The following CARS1 variants were observed in gnomAD, a reference collection of about 807,000 sequenced individuals.
CARS1 encodes cysteine--tRNA ligase, cytoplasmic.
Under a neutral mutation model 106.2 loss-of-function variants are expected in CARS1, and 48 were observed. The observed-to-expected ratio is 0.45, with a 90% CI of 0.36 to 0.57. The LOEUF (loss-of-function observed/expected upper bound fraction) is 0.57, where lower values mean the gene tolerates loss of function less well. CARS1 is among the 20% of genes least tolerant of loss of function. CARS1 has a pLI of 0.00. For synonymous variants in CARS1, 409 were observed against 403.4 expected, an observed-to-expected ratio of 1.01 and a Z score of -0.17; for missense variants, 968 against 1,057.2, an observed-to-expected ratio of 0.92 and a Z score of 1.17.
In CARS1 at chr11:3,046,007, G is replaced by A. The variant is rs993822093; in HGVS notation, c.274+1746C>T. 9.2e-5 allele frequency among the ~76,000 whole-genome samples: 14 copies of A among 152,088 alleles called. No individual in the cohort carries two copies. Among genetic ancestry groups the A allele is most frequent in the African/African-American group, 3.1e-4 (13 of 41,398 alleles). ...TGTACAGCAAGCTTGAGTGAGGGTC[G>A]CCTGACATAATGCCCATCATTCCTG... On this transcript the variant is annotated intron_variant, in intron 2 of 22. Coordinates refer to ENST00000380525, the MANE Select transcript of CARS1 (RefSeq NM_001014437.3). This position sits in a 1 kb window ranked among gnomAD's most constrained non-coding sequence, Gnocchi z 5.8.
At chr11:3,005,973 G>A (rs1422636141) in intron 19 of CARS1, among the ~76,000 whole-genome samples, 1 of 152,138 alleles carries the variant, frequency 6.6e-6, no homozygotes, top group East Asian at 1.9e-4. Context: ...AATAGGACAT[G>A]ACATCTGAGA....
rs748502341 is a variant in CARS1, at chr11:3,048,032, C to T, written c.26-31G>A. 2 of 1,602,012 alleles carry T rather than the reference C, an allele frequency of 1.2e-6. No homozygotes were observed. Among genetic ancestry groups the T allele is most frequent in the South Asian group, 1.1e-5 (1 of 90,716 alleles). On this transcript the variant is annotated intron_variant, in intron 1 of 22. Transcript: ENST00000380525. The surrounding 1 kb of genome is among the most constrained non-coding windows in gnomAD (Gnocchi z 5.1). ...AAGACAGAGGGCACATGGTGTCAGG[C>T]AGGCAGGCGGGCAGCCCAGAGGCCG... is the stretch of plus-strand genomic sequence containing the variant.
chr11:3,028,772 T>G lies in CARS1; in HGVS notation c.1031+224A>C. The G allele has an allele frequency of 3.8e-6, 2 of 530,284 alleles. No individual in the cohort carries two copies. The highest frequency in any genetic ancestry group is 6.7e-6 in the Non-Finnish European group (2 of 300,656). 32.8% of individuals were successfully genotyped at this position (530,284 alleles called of 1,614,324 possible). A position where few individuals can be genotyped will look rare whatever the true frequency, so the allele number is the denominator to read the frequency against. Reference sequence around the variant, plus strand: ...CTTGGCTGCCGAGCTTCCCAGCAGATTCTGGGTTAGGTTCTCACCATGGCC... The same window carrying G: ...CTTGGCTGCCGAGCTTCCCAGCAGAGTCTGGGTTAGGTTCTCACCATGGCC... On this transcript the variant is annotated intron_variant, in intron 9 of 22. Transcript: ENST00000380525. This position sits in a 1 kb window ranked among gnomAD's most constrained non-coding sequence, Gnocchi z 4.4.
rs1420494579 is a variant in CARS1, at chr11:3,037,419, C to T, written c.801+631G>A. 2.0e-5 allele frequency among the ~76,000 whole-genome samples: 3 copies of T among 152,202 alleles called. No homozygotes were observed. Among genetic ancestry groups the T allele is most frequent in the Admixed American group, 1.3e-4 (2 of 15,286 alleles). The stretch of plus-strand genomic sequence containing the variant: ...CTCTTTTTCTACACACAGCTGCAGC[C>T]GTCTCTTCTCTTTTCCATCGAGTTC... On this transcript the variant is annotated intron_variant, in intron 7 of 22. Transcript: ENST00000380525. The surrounding 1 kb of genome is among the most constrained non-coding windows in gnomAD (Gnocchi z 5.9).
intron 9 of CARS1, 171 bp from the exon 10 acceptor site, chr11:3,026,968 C>T (rs1401377419): frequency 5.7e-6 from 4 of 704,662 alleles, no homozygotes; most frequent in Non-Finnish European, 8.9e-6. Flanking sequence ...GAGTGGGACA[C>T]CAGGGCCCAT....
At position 3,050,204 on chromosome 11, in the gene CARS1, A is replaced by C. The variant is rs1210522106; in HGVS notation, c.26-2203T>G. 6.6e-6 allele frequency among the ~76,000 whole-genome samples: 1 copy of C among 152,166 alleles called. No homozygotes were observed. Among genetic ancestry groups the C allele is most frequent in the Non-Finnish European group, 1.5e-5 (1 of 68,026 alleles). ...AGTCTCAACATGGATGCAGGGCTTAAAATGGCTTCCTGGGATGACTCTCGC... is the reference window on the plus strand; with the variant it reads ...AGTCTCAACATGGATGCAGGGCTTACAATGGCTTCCTGGGATGACTCTCGC... On this transcript the variant is annotated intron_variant, in intron 1 of 22. Transcript: ENST00000380525. This position sits in a 1 kb window ranked among gnomAD's most constrained non-coding sequence, Gnocchi z 6.3.
intron 7 of CARS1, among the ~76,000 whole-genome samples, chr11:3,035,087 A>AAT (rs1853440774): frequency 6.6e-6 from 1 of 152,164 alleles, no homozygotes; most frequent in Non-Finnish European, 1.5e-5. Flanking sequence ...TCATGAGGGC[A>AAT]GAGCTCTCAT....
intron 1 of CARS1, chr11:3,054,881 T>A: frequency 1.4e-6 from 1 of 702,604 alleles, no homozygotes; most frequent in Non-Finnish European, 2.6e-6. Flanking sequence ...TCTGACCTGA[T>A]GAGCAGCCGA....
intron 16 of CARS1, 128 bp downstream of exon 16, chr11:3,016,978 C>T (rs553160117): frequency 3.9e-5 from 27 of 689,572 alleles, no homozygotes; most frequent in South Asian, 3.3e-4. Context: ...CATATCTCCA[C>T]GTCTCAGAGG....
At chr11:3,025,193 T>C (rs1851929990) in intron 10 of CARS1, among the ~76,000 whole-genome samples, 1 of 152,186 alleles carries the variant, frequency 6.6e-6, no homozygotes, top group African/African-American at 2.4e-5. Flanking sequence ...CCTGGCTATC[T>C]CTATCTTTCT....
At chr11:3,032,312 C>T (rs1852953580) in intron 7 of CARS1, among the ~76,000 whole-genome samples, 1 of 152,066 alleles carries the variant, frequency 6.6e-6, no homozygotes, top group South Asian at 2.1e-4. Context: ...ACCTCATGAT[C>T]TGCCCATCTC....
rs376957520 is a variant in CARS1 at position 3,019,914 on chromosome 11, C to T, written c.1266+306G>A. ...TCAGAACGCATCCTACACCCTGGGG[C>T]CTGGAATACTCAGAGTCACAGAACA... On this transcript the variant is annotated intron_variant, in intron 11 of 22. Transcript: ENST00000380525. The surrounding 1 kb of genome is among the most constrained non-coding windows in gnomAD (Gnocchi z 6.2). Among the ~76,000 whole-genome samples the T allele has an allele frequency of 6.6e-5, 10 of 152,286 alleles. No homozygotes were observed. The East Asian group carries it at 1.9e-3, about 29-fold the overall frequency.
At chr11:3,023,318 T>A (rs1201663199) in intron 10 of CARS1, among the ~76,000 whole-genome samples, 1 of 152,196 alleles carries the variant, frequency 6.6e-6, no homozygotes, top group African/African-American at 2.4e-5. Flanking sequence ...CGGCTTCCTC[T>A]AAGGACTTTA....
chr11:3,050,158 T>C lies in CARS1; in HGVS notation c.26-2157A>G, dbSNP rs1855515089. Among the ~76,000 whole-genome samples, 1 of 152,190 alleles carries C rather than the reference T, an allele frequency of 6.6e-6. No homozygotes were observed. The highest frequency in any genetic ancestry group is 1.5e-5 in the Non-Finnish European group (1 of 68,042). ...TTCTCTGCAGTAAAGGGGTGGGCAC[T>C]CTGTGGGAGAGCCTTCCTGAAGTCT... is the stretch of plus-strand genomic sequence containing the variant. On this transcript the variant is annotated intron_variant, in intron 1 of 22. Coordinates refer to ENST00000380525, the MANE Select transcript of CARS1 (RefSeq NM_001014437.3). This position sits in a 1 kb window ranked among gnomAD's most constrained non-coding sequence, Gnocchi z 6.3.
At position 3,019,379 on chromosome 11, in the gene CARS1, A is replaced by G. The variant is rs1851355494; in HGVS notation, c.1267-112T>C. On this transcript the variant is annotated intron_variant, in intron 11 of 22. Coordinates refer to ENST00000380525, the MANE Select transcript of CARS1 (RefSeq NM_001014437.3). The surrounding 1 kb of genome is among the most constrained non-coding windows in gnomAD (Gnocchi z 6.2). ...ACATCCTCTGAACTTTATTGGAACA[A>G]GCGTTAAATCCCGCACATGAAAAGA... The G allele has an allele frequency of 8.5e-7, 1 of 1,182,634 alleles. No homozygotes were observed. Among genetic ancestry groups the G allele is most frequent in the Admixed American group, 3.0e-5 (1 of 33,054 alleles). 73.3% of individuals were successfully genotyped at this position (1,182,634 alleles called of 1,614,324 possible).
chr11:3,055,159 G>C (rs996905760), intron 1 of CARS1: 1 of 582,644 alleles, frequency 1.7e-6, no homozygotes, highest in East Asian at 2.8e-5. Flanking sequence ...AAGCATTTAC[G>C]ATTGGATTTT....
rs989295866 is a variant in CARS1, at chr11:3,034,045, G to A, written c.801+4005C>T. Among the ~76,000 whole-genome samples the A allele has an allele frequency of 6.6e-6, 1 of 152,104 alleles. No homozygotes were observed. Among genetic ancestry groups the A allele is most frequent in the Admixed American group, 6.6e-5 (1 of 15,256 alleles). On this transcript the variant is annotated intron_variant, in intron 7 of 22. Transcript: ENST00000380525. The surrounding 1 kb of genome is among the most constrained non-coding windows in gnomAD (Gnocchi z 6.3). ...GATCCTCTTGCCTTGGCCTCCCAAG[G>A]TGCTATGATTACAGGAACGAGCCAC... is the stretch of plus-strand genomic sequence containing the variant.
chr11:3,022,934 TG>T lies in CARS1; in HGVS notation c.1154-2603del, dbSNP rs1417539900. Among the ~76,000 whole-genome samples the T allele has an allele frequency of 6.6e-6, 1 of 151,934 alleles. No homozygotes were observed. The highest frequency in any genetic ancestry group is 2.1e-4 in the South Asian group (1 of 4,808). ...CTACACTCCTTATGACTCCCCATGG[TG>T]GGGGGAGGTTGCGGGGGTGGTCATG... is the stretch of plus-strand genomic sequence containing the variant. On this transcript the variant is annotated intron_variant, in intron 10 of 22. Coordinates refer to ENST00000380525, the MANE Select transcript of CARS1 (RefSeq NM_001014437.3). This position sits in a 1 kb window ranked among gnomAD's most constrained non-coding sequence, Gnocchi z 4.9.
At chr11:3,056,762 T>A (rs549472074) in intron 1 of CARS1, among the ~76,000 whole-genome samples, 33 of 152,164 alleles carry the variant, frequency 2.2e-4, no homozygotes, top group African/African-American at 8.0e-4. Flanking sequence ...GTCTCCCCCC[T>A]AAAGGCCAGC....
Sources: gnomAD v4.1 joint callset for allele counts (sites outside exome capture counted in the v4.1 genomes callset) on GRCh38, gnomAD v4.1.1 for gene constraint, Gnocchi (gnomAD v3.1) non-coding constraint, MANE v1.5 for transcripts, NCBI Gene and HGNC (gene_info 2026-07-23, HGNC 2026-07-21) for gene names.